The following ASB3 variants were observed in gnomAD, a reference collection of about 807,000 sequenced individuals.
The protein encoded by ASB3 is ankyrin repeat and SOCS box protein 3.
ASB3 carries 41 observed loss-of-function variants against 54.5 expected under a neutral mutation model. The observed-to-expected ratio is 0.75, with a 90% confidence interval of 0.59 to 0.98. The LOEUF (loss-of-function observed/expected upper bound fraction) is 0.98, where lower values mean the gene tolerates loss of function less well. Ranked by LOEUF, ASB3 falls within the 50% of genes least tolerant of loss-of-function variation. ASB3 has a pLI of 0.00. For synonymous variants in ASB3, 266 were observed against 221.2 expected, an observed-to-expected ratio of 1.20 and a Z score of -1.80; for missense variants, 733 against 620.0, an observed-to-expected ratio of 1.18 and a Z score of -1.94.
chr2:53,713,480 G>A (rs1416326775), intron 7 of ASB3, among the ~76,000 whole-genome samples: 2 of 152,204 alleles, frequency 1.3e-5, no homozygotes, highest in African/African-American at 4.8e-5. Flanking sequence ...CTGTAAGAGT[G>A]TTATAGACAA....
chr2:53,774,472 G>T (rs72799216), intron 1 of ASB3: 4 of 1,588,248 alleles, frequency 2.5e-6, no homozygotes, highest in Non-Finnish European at 3.4e-6. Context: ...TTTCGCTTTG[G>T]AAAAATTAGT....
chr2:53,716,621 T>A lies in ASB3; in HGVS notation c.727A>T (p.Asn243Tyr). 2 of 1,614,188 alleles carry A rather than the reference T, an allele frequency of 1.2e-6. No homozygotes were observed. Among genetic ancestry groups the A allele is most frequent in the Non-Finnish European group, 1.7e-6 (2 of 1,180,006 alleles). Reference protein sequence around the residue: ...SSGADPDLYCNEDSWQLPIHA... With the variant: ...SSGADPDLYCYEDSWQLPIHA... ...ATAGGTAACTGCCAACTGTCCTCAT[T>A]ACAGTAAAGATCAGGATCTGCCCCA... is the stretch of plus-strand genomic sequence containing the variant. The change falls in exon 6 of 10, where the codon AAT becomes TAT. Residue 243 changes from asparagine (N) to tyrosine (Y), a missense_variant. Physicochemically the swap from Asn to Tyr is moderately radical, Grantham distance 143. Transcript: ENST00000263634.
At chr2:53,694,116 G>A in intron 8 of ASB3, 102 bp from the exon 9 acceptor site, 1 of 1,389,546 alleles carries the variant, frequency 7.2e-7, no homozygotes, top group Non-Finnish European at 9.8e-7. Flanking sequence ...TCTCAATGAG[G>A]AGGGCAGACA....
At chr2:53,774,148 G>T (rs755017359) in intron 1 of ASB3, 1 of 1,603,610 alleles carries the variant, frequency 6.2e-7, no homozygotes, top group Non-Finnish European at 8.5e-7. Flanking sequence ...ACAGGGATGT[G>T]TATGGGGTGT....
chr2:53,707,014 C>T (rs10190578), intron 7 of ASB3, among the ~76,000 whole-genome samples: 1 of 151,966 alleles, frequency 6.6e-6, no homozygotes, highest in African/African-American at 2.4e-5. Flanking sequence ...CCCTGCCCAG[C>T]TCTTCTTTTG....
intron 7 of ASB3, among the ~76,000 whole-genome samples, chr2:53,713,139 A>G (rs1670198787): frequency 6.6e-6 from 1 of 152,246 alleles, no homozygotes; most frequent in Admixed American, 6.5e-5. Context: ...CAGGAGTTCG[A>G]GACCAGGCTG....
At chr2:53,753,868 T>C (rs1015147323) in intron 2 of ASB3, among the ~76,000 whole-genome samples, 6 of 152,106 alleles carry the variant, frequency 3.9e-5, no homozygotes, top group African/African-American at 1.4e-4. Flanking sequence ...CTCAAACTCC[T>C]GGCCTCAGGT....
intron 1 of ASB3, among the ~76,000 whole-genome samples, chr2:53,782,859 T>C (rs1215159326): frequency 6.6e-6 from 1 of 152,104 alleles, no homozygotes; most frequent in African/African-American, 2.4e-5. Flanking sequence ...CAATCTCGGC[T>C]CACTGCAACC....
At chr2:53,783,776 A>AT (rs920861932) in intron 1 of ASB3, among the ~76,000 whole-genome samples, 7 of 152,326 alleles carry the variant, frequency 4.6e-5, no homozygotes, top group Admixed American at 3.3e-4. Flanking sequence ...AGGTAAAGGC[A>AT]TTTTCAGACA....
At position 53,783,984 on chromosome 2, in the gene ASB3, G is replaced by A. The variant is rs536780789; in HGVS notation, c.-14+2837C>T. On this transcript the variant is annotated intron_variant, in intron 1 of 9. Transcript: ENST00000263634. Reference sequence around the variant, plus strand: ...ATGCAACTGACTTGTAAAGCAACTAGTCTAAATTACATGTGTGAGAGCTGG... The same window carrying A: ...ATGCAACTGACTTGTAAAGCAACTAATCTAAATTACATGTGTGAGAGCTGG... Among the ~76,000 whole-genome samples, 4 of 152,306 alleles carry A rather than the reference G, an allele frequency of 2.6e-5. No homozygotes were observed. In the East Asian group the frequency reaches 7.7e-4, roughly 29 times the overall value.
At chr2:53,782,804 T>C (rs945106327) in intron 1 of ASB3, among the ~76,000 whole-genome samples, 6 of 152,080 alleles carry the variant, frequency 3.9e-5, no homozygotes, top group Non-Finnish European at 8.8e-5. Context: ...TTTTTTTTTT[T>C]AGATGAAGTT....
At chr2:53,781,461 C>T (rs1246012247) in intron 1 of ASB3, among the ~76,000 whole-genome samples, 1 of 151,294 alleles carries the variant, frequency 6.6e-6, no homozygotes, top group African/African-American at 2.4e-5. Flanking sequence ...TTTTGTACCT[C>T]CATTGGTAGG....
At chr2:53,721,562 T>C (rs1471609484) in intron 5 of ASB3, among the ~76,000 whole-genome samples, 2 of 152,110 alleles carry the variant, frequency 1.3e-5, no homozygotes, top group Non-Finnish European at 2.9e-5. Context: ...AGAGTGAGAC[T>C]CTGTCTCAAA....
intron 1 of ASB3, among the ~76,000 whole-genome samples, chr2:53,783,264 G>T (rs1302146666): frequency 6.6e-6 from 1 of 151,962 alleles, no homozygotes; most frequent in Non-Finnish European, 1.5e-5. Context: ...AGAAACTGTG[G>T]GGAAAAAACC....
chr2:53,708,552 A>T (rs1669917962), intron 7 of ASB3, among the ~76,000 whole-genome samples: 1 of 152,190 alleles, frequency 6.6e-6, no homozygotes, highest in South Asian at 2.1e-4. Flanking sequence ...AATGGCAGAG[A>T]GTGGAAGAGT....
intron 1 of ASB3, chr2:53,767,484 T>C (rs1673545198): frequency 6.0e-6 from 1 of 166,518 alleles, no homozygotes; most frequent in African/African-American, 2.4e-5. Flanking sequence ...TGGACACGAG[T>C]GACGACTCCT....
At chr2:53,773,622 G>A (rs998565760) in intron 1 of ASB3, among the ~76,000 whole-genome samples, 5 of 151,730 alleles carry the variant, frequency 3.3e-5, no homozygotes, top group African/African-American at 1.2e-4. Flanking sequence ...GTAAAGACGG[G>A]GTTTCACCAT....
At chr2:53,740,114 T>C (rs182397869) in intron 3 of ASB3, among the ~76,000 whole-genome samples, 1 of 152,378 alleles carries the variant, frequency 6.6e-6, no homozygotes, top group Non-Finnish European at 1.5e-5. Context: ...GCAGAAATCA[T>C]CTATATATTC....
At chr2:53,746,609 G>T (rs74181221) in intron 3 of ASB3, among the ~76,000 whole-genome samples, 4,217 of 151,818 alleles carry the variant, frequency 0.028, 64 homozygotes, top group Non-Finnish European at 0.042. Context: ...CTCCCAAGTA[G>T]CTCAGATTAC....
Sources: allele counts gnomAD v4.1 joint callset (sites outside exome capture counted in the v4.1 genomes callset), GRCh38; gene constraint gnomAD v4.1.1; transcripts MANE v1.5; gene names NCBI Gene and HGNC (gene_info 2026-07-23, HGNC 2026-07-21).